STIM2: variants seen among roughly 807,000 people sequenced by gnomAD.
STIM2 encodes stromal interaction molecule 2.
A neutral mutation model predicts 85.8 loss-of-function variants in STIM2; 31 were observed. That is an observed-to-expected ratio of 0.36 (90% CI 0.27 to 0.49). The LOEUF is 0.49. Ranked by LOEUF, STIM2 falls within the 20% of genes least tolerant of loss-of-function variation. The pLI is 0.98. For synonymous variants in STIM2, 356 were observed against 331.1 expected, an observed-to-expected ratio of 1.08 and a Z score of -0.82; for missense variants, 841 against 927.6, an observed-to-expected ratio of 0.91 and a Z score of 1.21.
chr4:26,968,370 A>C (rs1467807680), intron 3 of STIM2, among the ~76,000 whole-genome samples: 1 of 152,162 alleles, frequency 6.6e-6, no homozygotes, highest in Non-Finnish European at 1.5e-5. Context: ...TGACATACGC[A>C]CAACATGGAT....
In STIM2 at chr4:26,995,402, A is replaced by G. The variant is rs993011869; in HGVS notation, c.421A>G (p.Thr141Ala). Residue 141 changes from threonine to alanine, a missense_variant, in exon 4 of 12, where the codon ACT (threonine) becomes GCT (alanine). Coordinates refer to ENST00000467087, the MANE Select transcript of STIM2 (RefSeq NM_020860.4). ...AGTTCATAATTGGACCCTTGAAGACACTCTTCAGTGGTTGATAGAGTTTGT... is the reference window on the plus strand; with the variant it reads ...AGTTCATAATTGGACCCTTGAAGACGCTCTTCAGTGGTTGATAGAGTTTGT... 6.3e-7 allele frequency: 1 copy of G among 1,587,502 alleles called. No individual in the cohort carries two copies. The highest frequency in any genetic ancestry group is 1.4e-5 in the African/African-American group (1 of 73,130).
intron 1 of STIM2, among the ~76,000 whole-genome samples, chr4:26,870,633 A>G (rs1037072902): frequency 1.3e-5 from 2 of 152,144 alleles, no homozygotes; most frequent in Non-Finnish European, 1.5e-5. Flanking sequence ...ACTCTTTTGT[A>G]TACTTTATTA....
intron 1 of STIM2, among the ~76,000 whole-genome samples, chr4:26,880,085 A>G (rs2109035369): frequency 6.6e-6 from 1 of 152,336 alleles, no homozygotes; most frequent in East Asian, 1.9e-4. Flanking sequence ...GATAGAATAG[A>G]AACCTTTTAT....
chr4:27,014,534 T>G (rs1426872299), intron 10 of STIM2, among the ~76,000 whole-genome samples: 1 of 151,828 alleles, frequency 6.6e-6, no homozygotes, highest in African/African-American at 2.4e-5. Context: ...TTTCTACTTG[T>G]GCGTGATTAG....
At chr4:27,018,668 C>T (rs1231412799) in intron 11 of STIM2, among the ~76,000 whole-genome samples, 1 of 152,170 alleles carries the variant, frequency 6.6e-6, no homozygotes, top group East Asian at 1.9e-4. Context: ...TCTTAGAATT[C>T]TGCCTACCAC....
intron 3 of STIM2, among the ~76,000 whole-genome samples, chr4:26,982,802 T>C (rs1194727346): frequency 6.6e-6 from 1 of 152,194 alleles, no homozygotes; most frequent in Non-Finnish European, 1.5e-5. Context: ...AAATCATGAA[T>C]TCACACTGAT....
At chr4:26,992,879 G>C (rs1232856858) in intron 3 of STIM2, among the ~76,000 whole-genome samples, 1 of 152,122 alleles carries the variant, frequency 6.6e-6, no homozygotes, top group Non-Finnish European at 1.5e-5. Flanking sequence ...TAGATCTGTT[G>C]TTTTAAAGAT....
rs149039225 is a variant in STIM2, at chr4:26,958,464, T to G, written c.397+738T>G. Among the ~76,000 whole-genome samples, 10 of 152,254 alleles carry G rather than the reference T, an allele frequency of 6.6e-5. No individual in the cohort carries two copies. The East Asian group carries it at 1.9e-3, about 29-fold the overall frequency. On this transcript the variant is annotated intron_variant, in intron 3 of 11. Transcript: ENST00000467087. ...AATTAAACGAAATTAAAGGGACAGA[T>G]TACCAATTAAGAGTGTAAAGAAATA...
chr4:26,917,243 T>C (rs1205690192), intron 1 of STIM2, among the ~76,000 whole-genome samples: 2 of 152,232 alleles, frequency 1.3e-5, no homozygotes, highest in Non-Finnish European at 2.9e-5. Context: ...ACATTTCATA[T>C]CTGCTTTTCA....
intron 11 of STIM2, chr4:27,019,576 AAG>A (rs1728848644): frequency 2.0e-6 from 2 of 1,014,636 alleles, no homozygotes; most frequent in Middle Eastern, 2.4e-4. Flanking sequence ...TCTCATAAAT[AAG>A]AGAATGATTT....
At chr4:26,900,171 C>T (rs546858269) in intron 1 of STIM2, among the ~76,000 whole-genome samples, 16 of 152,276 alleles carry the variant, frequency 1.1e-4, no homozygotes, top group African/African-American at 3.6e-4. Context: ...GCTAGAGAAA[C>T]GCCCAAGGTT....
At chr4:26,901,635 ATTCT>A (rs926181594) in intron 1 of STIM2, among the ~76,000 whole-genome samples, 6 of 152,264 alleles carry the variant, frequency 3.9e-5, no homozygotes, top group East Asian at 1.9e-4. Context: ...ACTATTTATT[ATTCT>A]TTCTTTATTT....
rs778329352 is a variant in STIM2, at chr4:27,009,002, G to A, written c.1489G>A (p.Gly497Arg). 7.0e-5 allele frequency: 113 copies of A among 1,606,728 alleles called. No individual in the cohort carries two copies. Among genetic ancestry groups the A allele is most frequent in the Non-Finnish European group, 8.4e-5 (99 of 1,175,966 alleles). ...ACCCCCAATAGTGTCACAATTTCCC[G>A]GTAAGTGGCAATTTCAACAAAAATT... Residue 497 changes from glycine (G) to arginine (R), a missense_variant and splice_region_variant, in exon 10 of 12, where the codon GGG (glycine) becomes AGG (arginine). Around this residue, in one of 3 missense-constraint regions of STIM2, gnomAD observed 408 missense variants for 525.4 expected, o/e 0.78. Transcript: ENST00000467087.
intron 3 of STIM2, among the ~76,000 whole-genome samples, chr4:26,970,223 GTATATA>G (rs1553851733): frequency 7.3e-5 from 1 of 13,618 alleles, no homozygotes; most frequent in African/African-American, 1.5e-4. Flanking sequence ...ATATATATAT[GTATATA>G]TATATATATA....
chr4:27,016,861 T>C (rs1235270925), intron 10 of STIM2, among the ~76,000 whole-genome samples: 2 of 152,188 alleles, frequency 1.3e-5, no homozygotes, highest in Non-Finnish European at 2.9e-5. Context: ...GAAGATTCAG[T>C]CATGTCCCTT....
intron 1 of STIM2, among the ~76,000 whole-genome samples, chr4:26,873,349 C>T (rs1054437978): frequency 4.6e-5 from 7 of 151,590 alleles, no homozygotes; most frequent in African/African-American, 7.3e-5. Context: ...GAGCTGAGAT[C>T]GTGCCATTGC....
chr4:26,965,769 T>G (rs2109100054), intron 3 of STIM2, among the ~76,000 whole-genome samples: 1 of 152,270 alleles, frequency 6.6e-6, no homozygotes, highest in African/African-American at 2.4e-5. Flanking sequence ...GGAAGATACT[T>G]TGAGACAATC....
chr4:26,913,865 C>T (rs1304554415), intron 1 of STIM2, among the ~76,000 whole-genome samples: 3 of 152,190 alleles, frequency 2.0e-5, no homozygotes, highest in Non-Finnish European at 4.4e-5. Flanking sequence ...CTCACGGTTG[C>T]ATTATGGCGG....
At chr4:26,980,198 T>C (rs1727332836) in intron 3 of STIM2, among the ~76,000 whole-genome samples, 1 of 152,214 alleles carries the variant, frequency 6.6e-6, no homozygotes, top group African/African-American at 2.4e-5. Context: ...AATATAAGAA[T>C]TTGCTTATTT....
Sources: allele counts gnomAD v4.1 joint callset (sites outside exome capture counted in the v4.1 genomes callset), GRCh38; gene constraint gnomAD v4.1.1; regional missense constraint gnomAD v4.1.1; transcripts MANE v1.5; gene names NCBI Gene and HGNC (gene_info 2026-07-23, HGNC 2026-07-21).